HDAC5: variants seen among roughly 807,000 people sequenced by gnomAD.
The protein encoded by HDAC5 is histone deacetylase 5.
In HDAC5, 25 loss-of-function variants were observed where a neutral mutation model predicts 133.3. The observed-to-expected ratio is 0.19, with a 90% CI of 0.14 to 0.26. The LOEUF is 0.26. HDAC5 is among the 10% of genes least tolerant of loss of function. The pLI, the probability that HDAC5 is intolerant of heterozygous loss-of-function variation, is 1.00. For synonymous variants in HDAC5, 589 were observed against 610.8 expected (o/e 0.96, Z 0.53); for missense variants, 1,041 against 1,460.5 (o/e 0.71, Z 4.68).
At chr17:44,100,146 T>C (rs969413507) in intron 3 of HDAC5, among the ~76,000 whole-genome samples, 2 of 152,282 alleles carry the variant, frequency 1.3e-5, no homozygotes, top group African/African-American at 2.4e-5. Context: ...GTTTTAGCAG[T>C]GCCTTGGGAA....
chr17:44,101,392 C>T (rs1438706319), intron 3 of HDAC5, among the ~76,000 whole-genome samples: 1 of 105,826 alleles, frequency 9.4e-6, no homozygotes, highest in Non-Finnish European at 1.7e-5. Flanking sequence ...GCCTTGGCGA[C>T]AGAGCAAGAC....
intron 3 of HDAC5, among the ~76,000 whole-genome samples, chr17:44,101,491 G>A (rs147321605): frequency 1.5e-4 from 23 of 151,892 alleles, no homozygotes; most frequent in African/African-American, 5.3e-4. Flanking sequence ...GGACCCAAGG[G>A]GCGTAGAGTA....
intron 3 of HDAC5, among the ~76,000 whole-genome samples, chr17:44,107,140 C>G (rs1400465281): frequency 6.6e-6 from 1 of 151,804 alleles, no homozygotes; most frequent in Admixed American, 6.6e-5. Flanking sequence ...TTTGTAGAGA[C>G]AGGGTCTGGC....
At chr17:44,116,365 C>T (rs1322736734) in intron 2 of HDAC5, among the ~76,000 whole-genome samples, 1 of 152,182 alleles carries the variant, frequency 6.6e-6, no homozygotes, top group African/African-American at 2.4e-5. Flanking sequence ...CCACCTGTCC[C>T]AGCCCCTAGG....
At chr17:44,091,061 A>G (rs571839508) in intron 11 of HDAC5, among the ~76,000 whole-genome samples, 66 of 152,342 alleles carry the variant, frequency 4.3e-4, no homozygotes, top group Non-Finnish European at 8.2e-4. Flanking sequence ...ACTGAACAAC[A>G]CTGCTCTGGG....
intron 3 of HDAC5, among the ~76,000 whole-genome samples, chr17:44,106,827 G>C (rs1011013453): frequency 1.3e-5 from 2 of 151,868 alleles, no homozygotes; most frequent in Non-Finnish European, 2.9e-5. Flanking sequence ...ACCTCCCAAA[G>C]TGCTGGGATT....
intron 3 of HDAC5, among the ~76,000 whole-genome samples, chr17:44,102,781 C>T (rs2051699523): frequency 6.6e-6 from 1 of 151,834 alleles, no homozygotes; most frequent in Non-Finnish European, 1.5e-5. Flanking sequence ...ATTCTCCTGC[C>T]TCAGCCTCCC....
At chr17:44,123,199 C>T in intron 1 of HDAC5, 1 of 244,756 alleles carries the variant, frequency 4.1e-6, no homozygotes, top group Non-Finnish European at 7.8e-6. Context: ...CAACCCCGGC[C>T]GGTCTCCGAG....
At chr17:44,080,007 C>A in intron 23 of HDAC5, 100 bp downstream of exon 23, 1 of 879,536 alleles carries the variant, frequency 1.1e-6, no homozygotes, top group Non-Finnish European at 1.9e-6. Context: ...CCCCTGCTTT[C>A]CCCGTCTGCT....
At chr17:44,092,952 C>G (rs923643727) in intron 6 of HDAC5, 140 bp downstream of exon 6, 6 of 665,392 alleles carry the variant, frequency 9.0e-6, no homozygotes, top group Admixed American at 3.1e-5. Context: ...AGGAAATAAA[C>G]CAGGGATGGG....
At chr17:44,093,528 G>T in intron 4 of HDAC5, 43 bp from the exon 5 acceptor site, 1 of 1,598,146 alleles carries the variant, frequency 6.3e-7, no homozygotes. Flanking sequence ...GCCAGGCCCG[G>T]GCGGGGATCG....
intron 16 of HDAC5, among the ~76,000 whole-genome samples, chr17:44,084,174 A>G (rs2050536238): frequency 6.6e-6 from 1 of 151,646 alleles, no homozygotes; most frequent in Non-Finnish European, 1.5e-5. Flanking sequence ...TTAGCCACCA[A>G]AAATGAGGGC....
At chr17:44,111,642 G>A (rs767427113) in intron 2 of HDAC5, 1 of 518,026 alleles carries the variant, frequency 1.9e-6, no homozygotes, top group Non-Finnish European at 3.8e-6. Context: ...CACCTTCCCT[G>A]GAGTTCTAAT....
rs1411293655 is a variant in HDAC5 at position 44,093,799 on chromosome 17, T to C, written c.130A>G (p.Ser44Gly). The C allele has an allele frequency of 6.5e-7, 1 of 1,544,650 alleles. No homozygotes were observed. Among genetic ancestry groups the C allele is most frequent in the East Asian group, 2.3e-5 (1 of 44,134 alleles). The change falls in exon 4 of 27, where the codon AGT becomes GGT. Residue 44 changes from serine (S) to glycine (G), a missense_variant. By Grantham distance (56) the Ser-to-Gly change is moderately conservative. Coordinates refer to ENST00000682912, the MANE Select transcript of HDAC5 (RefSeq NM_005474.5). ...VKPVLPRAMP[S>G]SMGGGGGGSP... ...CCTCCACCCCCACCCCCCATGGAAC[T>C]GGGCATGGCTCTTGGCAGCACCGGC...
chr17:44,086,062 G>A (rs77287944), intron 14 of HDAC5, among the ~76,000 whole-genome samples: 3,593 of 152,226 alleles, frequency 0.024, 159 homozygotes, highest in African/African-American at 0.082. Context: ...ACTCGCATGA[G>A]TCTCATCTCT....
At chr17:44,106,929 CACTT>C (rs1263390733) in intron 3 of HDAC5, among the ~76,000 whole-genome samples, 3 of 151,670 alleles carry the variant, frequency 2.0e-5, no homozygotes, top group African/African-American at 7.3e-5. Context: ...TTCCAGCTCT[CACTT>C]ACTCTGTGAC....
At chr17:44,083,339 C>T (rs2050487751) in intron 18 of HDAC5, among the ~76,000 whole-genome samples, 1 of 152,204 alleles carries the variant, frequency 6.6e-6, no homozygotes, top group Non-Finnish European at 1.5e-5. Flanking sequence ...CTCGAGACAC[C>T]CACGAGAGCA....
In HDAC5 at chr17:44,091,339, C is replaced by A; in HGVS notation, c.1318G>T (p.Gly440Trp). Reference protein sequence around the residue: ...VALEGDGSPHGHASLLQHVLL... With the variant: ...VALEGDGSPHWHASLLQHVLL... ...ACATGCTGCAGCAGGGAGGCATGCC[C>A]GTGGGGGCTCCCGTCGCCCTCCAGT... Residue 440 changes from glycine to tryptophan, a missense_variant, in exon 11 of 27, where the codon GGG becomes TGG. By Grantham distance (184) the Gly-to-Trp change is radical. This residue lies in a region of HDAC5 where 433 missense variants were observed against 531.6 expected (regional missense o/e 0.81). Coordinates refer to ENST00000682912, the MANE Select transcript of HDAC5 (RefSeq NM_005474.5). 1 of 1,608,060 alleles carries A rather than the reference C, an allele frequency of 6.2e-7. No homozygotes were observed. Among genetic ancestry groups the A allele is most frequent in the Non-Finnish European group, 8.5e-7 (1 of 1,177,512 alleles).
In HDAC5 at chr17:44,079,339, C is replaced by T. The variant is rs1057357066; in HGVS notation, c.2945-62G>A. 4.5e-6 allele frequency: 7 copies of T among 1,555,536 alleles called. No individual in the cohort carries two copies. In the African/African-American group the frequency reaches 8.1e-5, roughly 18 times the overall value. On this transcript the variant is annotated intron_variant, in intron 23 of 26. Coordinates refer to ENST00000682912, the MANE Select transcript of HDAC5 (RefSeq NM_005474.5). The stretch of plus-strand genomic sequence containing the variant: ...GAAAGGTAATCAATCAATTCAAGAG[C>T]CAGTAAGAGGAGAGAAAAAAGGCCA...
Sources: allele counts gnomAD v4.1 joint callset (sites outside exome capture counted in the v4.1 genomes callset), GRCh38; gene constraint gnomAD v4.1.1; regional missense constraint gnomAD v4.1.1; transcripts MANE v1.5; gene names NCBI Gene and HGNC (gene_info 2026-07-23, HGNC 2026-07-21).